GALNT15: variants seen among roughly 807,000 people sequenced by gnomAD.
GALNT15 encodes the protein UDP-GalNAc transferase T15.
GALNT15 carries 67 observed loss-of-function variants against 66.8 expected under a neutral mutation model. The observed-to-expected ratio is 1.00, with a 90% CI of 0.82 to 1.23. The LOEUF (loss-of-function observed/expected upper bound fraction) is 1.23. Ranked by LOEUF, GALNT15 falls within the 50% of genes most tolerant of loss-of-function variation. The probability of loss-of-function intolerance (pLI) is 0.00; values close to 1 mark genes in which losing one functional copy is unlikely to be tolerated. For missense variants in GALNT15, 827 were observed against 804.3 expected, an observed-to-expected ratio of 1.03 and a Z score of -0.34; for synonymous variants, 313 against 311.5, an observed-to-expected ratio of 1.00 and a Z score of -0.05.
In GALNT15 at chr3:16,206,824, C is replaced by T. The variant is rs373834425; in HGVS notation, c.912-1679C>T. 5.9e-5 allele frequency among the ~76,000 whole-genome samples: 9 copies of T among 152,234 alleles called. No homozygotes were observed. The East Asian group carries it at 1.5e-3, about 26-fold the overall frequency. On this transcript the variant is annotated intron_variant, in intron 3 of 9. Coordinates refer to ENST00000339732, the MANE Select transcript of GALNT15 (RefSeq NM_054110.5). ...AAATTTCATGCATTTCTTCCTAATTCAGCCACACAGTTCCCTGGCTCTTGA... is the reference window on the plus strand; with the variant it reads ...AAATTTCATGCATTTCTTCCTAATTTAGCCACACAGTTCCCTGGCTCTTGA...
At position 16,203,836 on chromosome 3, in the gene GALNT15, C is replaced by A. The variant is rs1052696016; in HGVS notation, c.911+3013C>A. Among the ~76,000 whole-genome samples, 1 of 152,132 alleles carries A rather than the reference C, an allele frequency of 6.6e-6. No homozygotes were observed. Among genetic ancestry groups the A allele is most frequent in the African/African-American group, 2.4e-5 (1 of 41,414 alleles). Reference sequence around the variant, plus strand: ...CCTGGCAACGCTCTATGAGCTGTGGCAGGGAGAGCAGCCTCATTCAGTGTG... The same window carrying A: ...CCTGGCAACGCTCTATGAGCTGTGGAAGGGAGAGCAGCCTCATTCAGTGTG... On this transcript the variant is annotated intron_variant, in intron 3 of 9. Transcript: ENST00000339732. The surrounding 1 kb of genome is among the most constrained non-coding windows in gnomAD (Gnocchi z 6.2).
Position 16,229,427 on chromosome 3 carries a change from C to A in GALNT15, c.*1927C>A, listed in dbSNP as rs906901230. ...CTAGGGTCTACTTCTACTGTATTGGCGAGCATGGATATAGAACATTTCATC... is the reference window on the plus strand; with the variant it reads ...CTAGGGTCTACTTCTACTGTATTGGAGAGCATGGATATAGAACATTTCATC... On this transcript the variant is annotated 3_prime_UTR_variant, in exon 10 of 10. Transcript: ENST00000339732. The A allele has an allele frequency of 1.3e-5, 12 of 918,722 alleles. No homozygotes were observed. The highest frequency in any genetic ancestry group is 5.4e-5 in the African/African-American group (3 of 55,752). 56.9% of individuals were successfully genotyped at this position (918,722 alleles called of 1,614,324 possible).
chr3:16,198,309 G>A lies in GALNT15; in HGVS notation c.707-2310G>A, dbSNP rs1044320013. On this transcript the variant is annotated intron_variant, in intron 2 of 9. Coordinates refer to ENST00000339732, the MANE Select transcript of GALNT15 (RefSeq NM_054110.5). The stretch of plus-strand genomic sequence containing the variant: ...TACATATTTCAAATAGGGAAAAGGC[G>A]AAGAAGAGATAGGCAGAGGCCAGTC... 2.8e-4 allele frequency among the ~76,000 whole-genome samples: 39 copies of A among 141,132 alleles called. 5 individuals carry two copies. The highest frequency in any genetic ancestry group is 9.3e-4 in the African/African-American group (35 of 37,582). 92.6% of individuals were successfully genotyped at this position (141,132 alleles called of 152,430 possible).
rs1207640764 is a variant in GALNT15, at chr3:16,183,049, G to T, written c.539+7359G>T. 2 of 152,250 alleles carry T rather than the reference G, an allele frequency of 1.3e-5. No homozygotes were observed. The highest frequency in any genetic ancestry group is 2.9e-5 in the Non-Finnish European group (2 of 68,078). 9.4% of individuals were successfully genotyped at this position (152,250 alleles called of 1,614,324 possible). A position where few individuals can be genotyped will look rare whatever the true frequency, so the allele number is the denominator to read the frequency against. On this transcript the variant is annotated intron_variant, in intron 1 of 9. Transcript: ENST00000339732. The surrounding 1 kb of genome is among the most constrained non-coding windows in gnomAD (Gnocchi z 5.2). ...CTCCAAGATGCTTCATAGGCCTCCG[G>T]TCAGTGTTCAGACCAGTGACTCCCA...
At chr3:16,222,526 C>G (rs1305064467) in intron 8 of GALNT15, 89 bp from the exon 9 acceptor site, 2 of 1,505,278 alleles carry the variant, frequency 1.3e-6, no homozygotes, top group Non-Finnish European at 1.8e-6. Context: ...CCCTAGACCT[C>G]AGCTCTATAG....
chr3:16,199,976 A>G (rs927484412), intron 2 of GALNT15, among the ~76,000 whole-genome samples: 1 of 152,226 alleles, frequency 6.6e-6, no homozygotes, highest in Non-Finnish European at 1.5e-5. Flanking sequence ...ACACTGCTAT[A>G]AAGAACTGCC....
At chr3:16,246,802 T>C in the GALNT15 span, among the ~76,000 whole-genome samples, 6 of 152,174 alleles carry the variant, frequency 3.9e-5, no homozygotes, top group Admixed American at 3.9e-4. Context: ...CAATAAATAA[T>C]TGAAATGAAA....
chr3:16,208,573 C>G lies in GALNT15; in HGVS notation c.982C>G (p.Leu328Val), dbSNP rs769580462. ...TTTCCAGTATTACCCCTCAAAGGAC[C>G]TGCAGCGTGGGGTGTTGGACTGGAA... is the stretch of plus-strand genomic sequence containing the variant. ...KTFQYYPSKD[L>V]QRGVLDWKLD... The change falls in exon 4 of 10, where the codon CTG becomes GTG. Residue 328 changes from leucine to valine, a missense_variant. Coordinates refer to ENST00000339732, the MANE Select transcript of GALNT15 (RefSeq NM_054110.5). 12 of 1,613,990 alleles carry G rather than the reference C, an allele frequency of 7.4e-6. No homozygotes were observed. The Admixed American group carries it at 1.3e-4, about 18-fold the overall frequency.
chr3:16,238,341 T>A, the GALNT15 span, among the ~76,000 whole-genome samples: 1 of 152,138 alleles, frequency 6.6e-6, no homozygotes, highest in African/African-American at 2.4e-5. This position sits in a 1 kb window ranked among gnomAD's most constrained non-coding sequence, Gnocchi z 4.8. Context: ...ACAACCATAG[T>A]GCTAAGGCTG....
chr3:16,238,345 A>G, the GALNT15 span, among the ~76,000 whole-genome samples: 1 of 152,262 alleles, frequency 6.6e-6, no homozygotes, highest in South Asian at 2.1e-4. This position sits in a 1 kb window ranked among gnomAD's most constrained non-coding sequence, Gnocchi z 4.8. Flanking sequence ...CCATAGTGCT[A>G]AGGCTGTACT....
intron 3 of GALNT15, among the ~76,000 whole-genome samples, chr3:16,201,251 G>C (rs1485083379): frequency 1.3e-5 from 2 of 151,844 alleles, no homozygotes; most frequent in Admixed American, 6.6e-5. Flanking sequence ...GGGCGATCTC[G>C]GCTCACTGCA....
chr3:16,213,452 CAAA>C (rs3055462), intron 6 of GALNT15, among the ~76,000 whole-genome samples: 1 of 63,860 alleles, frequency 1.6e-5, no homozygotes, highest in East Asian at 4.7e-4. Flanking sequence ...AACTCCATCT[CAAA>C]AAAAAAAAAA....
chr3:16,199,642 A>AGCTGAAC (rs2063677660), intron 2 of GALNT15, among the ~76,000 whole-genome samples: 1 of 98,360 alleles, frequency 1.0e-5, no homozygotes, highest in African/African-American at 3.8e-5. Flanking sequence ...GAGAGGGAAG[A>AGCTGAAC]GCTGAACAAA....
chr3:16,241,253 G>A, the GALNT15 span, among the ~76,000 whole-genome samples: 1 of 152,118 alleles, frequency 6.6e-6, no homozygotes, highest in African/African-American at 2.4e-5. This position sits in a 1 kb window ranked among gnomAD's most constrained non-coding sequence, Gnocchi z 4.6. Flanking sequence ...CTCTTGACAG[G>A]CACGTAATAC....
chr3:16,201,337 ACAC>A (rs2063700655), intron 3 of GALNT15, among the ~76,000 whole-genome samples: 1 of 151,818 alleles, frequency 6.6e-6, no homozygotes, highest in East Asian at 1.9e-4. Flanking sequence ...GCCCGCCACC[ACAC>A]CCGGCTAATT....
At position 16,188,459 on chromosome 3, in the gene GALNT15, G is replaced by A. The variant is rs2063540058; in HGVS notation, c.540-7301G>A. 6.6e-6 allele frequency among the ~76,000 whole-genome samples: 1 copy of A among 152,208 alleles called. No homozygotes were observed. Among genetic ancestry groups the A allele is most frequent in the South Asian group, 2.1e-4 (1 of 4,828 alleles). On this transcript the variant is annotated intron_variant, in intron 1 of 9. Coordinates refer to ENST00000339732, the MANE Select transcript of GALNT15 (RefSeq NM_054110.5). The surrounding 1 kb of genome is among the most constrained non-coding windows in gnomAD (Gnocchi z 4.6). ...AAATCAGGAAGATGTGGCAAAACTG[G>A]ACTAAATTTCCTCCCAGTGACATCA...
chr3:16,178,168 T>C (rs1245548625), intron 1 of GALNT15, among the ~76,000 whole-genome samples: 2 of 152,270 alleles, frequency 1.3e-5, no homozygotes, highest in East Asian at 3.9e-4. Flanking sequence ...TGTGTATATG[T>C]GCAGGCATGT....
At chr3:16,238,206 T>C in the GALNT15 span, among the ~76,000 whole-genome samples, 1 of 152,108 alleles carries the variant, frequency 6.6e-6, no homozygotes, top group Non-Finnish European at 1.5e-5. This position sits in a 1 kb window ranked among gnomAD's most constrained non-coding sequence, Gnocchi z 4.8. Flanking sequence ...GGAGTTAGGA[T>C]ATAGAAAAAT....
At position 16,228,614 on chromosome 3, in the gene GALNT15, C is replaced by T. The variant is rs889402228; in HGVS notation, c.*1114C>T. 5.0e-5 allele frequency: 49 copies of T among 972,360 alleles called. No individual in the cohort carries two copies. The highest frequency in any genetic ancestry group is 6.4e-5 in the Admixed American group (1 of 15,706). 60.2% of individuals were successfully genotyped at this position (972,360 alleles called of 1,614,324 possible). On this transcript the variant is annotated 3_prime_UTR_variant, in exon 10 of 10. Transcript: ENST00000339732. The stretch of plus-strand genomic sequence containing the variant: ...TGAGATCATGCCATTGCACTCCAAC[C>T]TGGGTGACAGAGTGAGACTCCATCT...
Sources: allele counts gnomAD v4.1 joint callset (sites outside exome capture counted in the v4.1 genomes callset), GRCh38; gene constraint gnomAD v4.1.1; non-coding constraint Gnocchi (gnomAD v3.1); transcripts MANE v1.5; gene names NCBI Gene and HGNC (gene_info 2026-07-23, HGNC 2026-07-21).